Variants in TMEM108 observed in about 807,000 individuals in gnomAD.
TMEM108 encodes the protein transmembrane protein 108, also known as cancer/testis antigen 124.
A neutral mutation model predicts 35.1 loss-of-function variants in TMEM108; 12 were observed. The observed-to-expected ratio is 0.34, with a 90% CI of 0.22 to 0.55. The LOEUF is 0.55. Among genes scored for constraint, TMEM108 ranks in the 20% least tolerant of loss-of-function variants. TMEM108 has a pLI of 0.89. For missense variants in TMEM108, 680 were observed against 753.3 expected (o/e 0.90, Z 1.14); for synonymous variants, 287 against 308.6 (o/e 0.93, Z 0.73).
chr3:133,383,335 G>C (rs2073062279), intron 4 of TMEM108, among the ~76,000 whole-genome samples: 1 of 152,328 alleles, frequency 6.6e-6, no homozygotes, highest in South Asian at 2.1e-4. Context: ...TTACAGGTAG[G>C]GAGTGAGTCA....
intron 3 of TMEM108, among the ~76,000 whole-genome samples, chr3:133,301,379 G>A (rs1947222863): frequency 6.6e-6 from 1 of 152,136 alleles, no homozygotes. Context: ...AGTGGAAAAT[G>A]CATTTTTCTC....
intron 2 of TMEM108, among the ~76,000 whole-genome samples, chr3:133,200,120 G>A (rs960372815): frequency 3.9e-5 from 6 of 152,140 alleles, no homozygotes; most frequent in South Asian, 2.1e-4. Context: ...TTGGAAAAGC[G>A]CAGTATTAGG....
chr3:133,040,185 G>GT (rs148501899), intron 1 of TMEM108, among the ~76,000 whole-genome samples: 10,947 of 144,876 alleles, frequency 0.076, 457 homozygotes, highest in Middle Eastern at 0.1. Flanking sequence ...CTTTATCACA[G>GT]TTTTTTTTGT....
chr3:133,339,782 A>G (rs2071607837), intron 3 of TMEM108, among the ~76,000 whole-genome samples: 1 of 151,940 alleles, frequency 6.6e-6, no homozygotes, highest in South Asian at 2.1e-4. Context: ...TAAAGCTAGA[A>G]ATCAATAACA....
At chr3:133,208,840 A>G (rs1428477231) in intron 2 of TMEM108, among the ~76,000 whole-genome samples, 1 of 152,114 alleles carries the variant, frequency 6.6e-6, no homozygotes, top group African/African-American at 2.4e-5. Context: ...TTAACCTTCA[A>G]GGTTTAGCTG....
intron 2 of TMEM108, among the ~76,000 whole-genome samples, chr3:133,226,289 G>A (rs1171510326): frequency 6.6e-6 from 1 of 152,196 alleles, no homozygotes; most frequent in Admixed American, 6.5e-5. Context: ...TAGACTCTCA[G>A]CTAATCTTTC....
intron 3 of TMEM108, among the ~76,000 whole-genome samples, chr3:133,307,548 A>G (rs1009867462): frequency 1.3e-5 from 2 of 152,160 alleles, no homozygotes; most frequent in Non-Finnish European, 1.5e-5. Flanking sequence ...TAATTTTTGT[A>G]TAAGGTGTAA....
At chr3:133,091,628 A>T (rs946209876) in intron 2 of TMEM108, among the ~76,000 whole-genome samples, 22 of 152,168 alleles carry the variant, frequency 1.4e-4, no homozygotes. Context: ...GTTAAATACC[A>T]CTCTACTTAT....
At chr3:133,313,559 C>T (rs371355710) in intron 3 of TMEM108, among the ~76,000 whole-genome samples, 6 of 152,292 alleles carry the variant, frequency 3.9e-5, no homozygotes, top group East Asian at 3.9e-4. Context: ...CTTTGTCTGA[C>T]GTTTCCTCCT....
intron 2 of TMEM108, among the ~76,000 whole-genome samples, chr3:133,227,953 G>T (rs975529893): frequency 6.6e-6 from 1 of 152,106 alleles, no homozygotes; most frequent in African/African-American, 2.4e-5. Context: ...AGACACATAT[G>T]ATTCTGTTTA....
At chr3:133,188,425 C>T (rs1199495844) in intron 2 of TMEM108, among the ~76,000 whole-genome samples, 2 of 143,100 alleles carry the variant, frequency 1.4e-5, no homozygotes, top group African/African-American at 2.6e-5. Flanking sequence ...TGTTTTGTTC[C>T]TTTTTTTTTT....
At chr3:133,274,062 T>A (rs567017818) in intron 3 of TMEM108, among the ~76,000 whole-genome samples, 1 of 152,336 alleles carries the variant, frequency 6.6e-6, no homozygotes, top group Non-Finnish European at 1.5e-5. Flanking sequence ...ATGTGACTCC[T>A]AGGCCAAGTT....
intron 2 of TMEM108, among the ~76,000 whole-genome samples, chr3:133,170,168 T>TA (rs906165405): frequency 3.3e-5 from 5 of 151,980 alleles, no homozygotes; most frequent in East Asian, 1.9e-4. Flanking sequence ...CCTGGGAGAT[T>TA]AAAAAAAAGA....
intron 3 of TMEM108, among the ~76,000 whole-genome samples, chr3:133,364,156 C>T (rs1030073014): frequency 1.3e-5 from 2 of 152,232 alleles, no homozygotes; most frequent in Non-Finnish European, 2.9e-5. Context: ...GCTTAAATAA[C>T]TTGTCCCAGG....
At chr3:133,288,121 C>T (rs1442545693) in intron 3 of TMEM108, among the ~76,000 whole-genome samples, 2 of 152,152 alleles carry the variant, frequency 1.3e-5, no homozygotes, top group Non-Finnish European at 2.9e-5. Context: ...ATTTATACAC[C>T]TCATGCCTGA....
Position 133,380,773 on chromosome 3 carries a change from G to A in TMEM108, c.1062G>A (p.Thr354=), listed in dbSNP as rs139054317. 685 of 1,613,964 alleles carry A rather than the reference G, an allele frequency of 4.2e-4. No individual in the cohort carries two copies. The highest frequency in any genetic ancestry group is 4.9e-4 in the Middle Eastern group (3 of 6,084). ...TGTCTACCAGCTCTGGGGTCTTCAC[G>A]GCTGCCACGGGGCCCACCCCAGCTG... ...RPLSTSSGVF[T]AATGPTPAAF... Residue 354 remains threonine, a synonymous_variant, in exon 4 of 6, where the codon ACG becomes ACA. Coordinates refer to ENST00000321871, the MANE Select transcript of TMEM108 (RefSeq NM_023943.4). The surrounding 1 kb of genome is among the most constrained non-coding windows in gnomAD (Gnocchi z 5.3).
At chr3:133,356,653 C>A (rs1158059287) in intron 3 of TMEM108, among the ~76,000 whole-genome samples, 2 of 152,056 alleles carry the variant, frequency 1.3e-5, no homozygotes, top group Non-Finnish European at 2.9e-5. Context: ...GAATAGAGAA[C>A]CCAGAAATAA....
intron 3 of TMEM108, among the ~76,000 whole-genome samples, chr3:133,282,193 A>G (rs528328999): frequency 2.8e-4 from 42 of 152,228 alleles, no homozygotes; most frequent in Non-Finnish European, 5.1e-4. Flanking sequence ...GACAAAGACA[A>G]AAGAGTATTT....
At chr3:133,364,610 A>G (rs867741276) in intron 3 of TMEM108, among the ~76,000 whole-genome samples, 2 of 152,348 alleles carry the variant, frequency 1.3e-5, no homozygotes, top group South Asian at 4.2e-4. Context: ...AGTGACCAGA[A>G]CCTGGAAGGA....
Sources: gnomAD v4.1 joint callset for allele counts (sites outside exome capture counted in the v4.1 genomes callset) on GRCh38, gnomAD v4.1.1 for gene constraint, Gnocchi (gnomAD v3.1) non-coding constraint, MANE v1.5 for transcripts, NCBI Gene and HGNC (gene_info 2026-07-23, HGNC 2026-07-21) for gene names.